Variants in MTFR1 observed in about 807,000 individuals in gnomAD.
The protein encoded by MTFR1 is chondrocyte protein with a poly-proline region.
Under a neutral mutation model 38.8 loss-of-function variants are expected in MTFR1, and 28 were observed. The observed-to-expected ratio is 0.72, with a 90% CI of 0.53 to 0.99. The LOEUF (loss-of-function observed/expected upper bound fraction) is 0.99, where lower values mean the gene tolerates loss of function less well. MTFR1 is among the 50% of genes least tolerant of loss of function. MTFR1 has a pLI of 0.00. For missense variants in MTFR1, 358 were observed against 395.5 expected (o/e 0.91, Z 0.81); for synonymous variants, 145 against 137.0 (o/e 1.06, Z -0.41).
At chr8:65,711,037 T>C (rs913815748), downstream of MTFR1, among the ~76,000 whole-genome samples, 2 of 152,074 alleles carry the variant, frequency 1.3e-5, no homozygotes, top group African/African-American at 4.8e-5. Context: ...AATGGGAAGA[T>C]CTGAGTCAGA....
At chr8:65,774,981 TTAAG>T (rs1383208872), downstream of MTFR1, among the ~76,000 whole-genome samples, 6 of 152,202 alleles carry the variant, frequency 3.9e-5, no homozygotes, top group African/African-American at 1.4e-4. Context: ...AGACCGCACT[TTAAG>T]TACTGCTGGA....
chr8:65,723,757 G>C lies in MTFR1; in HGVS notation c.*48+4276G>C, dbSNP rs977263771. Reference sequence around the variant, plus strand: ...TCATGAGAGGACAGCTTCGCAATTAGTTCTTTTTAAAATTTTAAGTTATTT... The same window carrying C: ...TCATGAGAGGACAGCTTCGCAATTACTTCTTTTTAAAATTTTAAGTTATTT... On this transcript the variant is annotated intron_variant, in intron 3 of 3. Coordinates refer to the MTFR1 transcript ENST00000521247. 11 of 538,284 alleles carry C rather than the reference G, an allele frequency of 2.0e-5. No homozygotes were observed. The African/African-American group carries it at 2.2e-4, about 11-fold the overall frequency. The allele number at this position is 538,284 out of a possible 1,614,324, so 33.3% of individuals were successfully genotyped here.
At chr8:65,741,545 C>G (rs1382968318) in intron 3 of MTFR1, among the ~76,000 whole-genome samples, 1 of 152,214 alleles carries the variant, frequency 6.6e-6, no homozygotes, top group Non-Finnish European at 1.5e-5. Context: ...TTTTTAAAAA[C>G]TACCTGACGT....
intron 2 of MTFR1, among the ~76,000 whole-genome samples, chr8:65,677,133 G>A (rs1804732604): frequency 6.9e-6 from 1 of 145,484 alleles, no homozygotes; most frequent in African/African-American, 2.6e-5. Context: ...GAGTGCAGTG[G>A]CGCGATCTTG....
At chr8:65,737,579 A>ACTCT (rs1318529073) in intron 3 of MTFR1, among the ~76,000 whole-genome samples, 1 of 150,978 alleles carries the variant, frequency 6.6e-6, no homozygotes, top group Non-Finnish European at 1.5e-5. Flanking sequence ...ATCTCGGCTC[A>ACTCT]CTCTCTCTCT....
intron 1 of MTFR1, among the ~76,000 whole-genome samples, chr8:65,658,605 CAT>C (rs1057012501): frequency 2.3e-4 from 35 of 152,290 alleles, no homozygotes; most frequent in African/African-American, 5.1e-4. Context: ...AATACACACA[CAT>C]GTGTGCATGC....
At chr8:65,697,029 G>A (rs1805465045) in intron 4 of MTFR1, among the ~76,000 whole-genome samples, 1 of 139,266 alleles carries the variant, frequency 7.2e-6, no homozygotes, top group African/African-American at 2.7e-5. Flanking sequence ...CTGTCACCCA[G>A]GCTGGAGTGC....
At position 65,655,952 on chromosome 8, in the gene MTFR1, A is replaced by AATATATATATATATG. The variant is rs1309262215; in HGVS notation, c.-81+11168_-81+11169insATATATATATATATG. On this transcript the variant is annotated intron_variant, in intron 1 of 7. Coordinates refer to ENST00000262146, the MANE Select transcript of MTFR1 (RefSeq NM_014637.4). ...GCAAGACTCTGTCTTAAAAAAAAAA[A>AATATATATATATATG]TATATATATATATATACCATATATA... Among the ~76,000 whole-genome samples the AATATATATATATATG allele has an allele frequency of 5.4e-3, 197 of 36,580 alleles. 2 individuals carry two copies. The highest frequency in any genetic ancestry group is 0.01 in the South Asian group (22 of 2,140). 24.0% of individuals were successfully genotyped at this position (36,580 alleles called of 152,430 possible). A position where few individuals can be genotyped will look rare whatever the true frequency, so the allele number is the denominator to read the frequency against.
chr8:65,707,478 A>G (rs1240872389), intron 6 of MTFR1, among the ~76,000 whole-genome samples: 1 of 152,236 alleles, frequency 6.6e-6, no homozygotes, highest in Non-Finnish European at 1.5e-5. Context: ...TTATTTAAAT[A>G]TCAGCCTTTT....
At chr8:65,719,746 G>T in intron 3 of MTFR1, 1 of 469,644 alleles carries the variant, frequency 2.1e-6, no homozygotes, top group South Asian at 2.8e-5. Context: ...ACCTTTTCTG[G>T]TTATCCTTCT....
intron 3 of MTFR1, among the ~76,000 whole-genome samples, chr8:65,688,910 T>G (rs1370435321): frequency 2.0e-5 from 3 of 151,778 alleles, no homozygotes; most frequent in Non-Finnish European, 4.4e-5. Context: ...TTTGGGAGGC[T>G]GAGGCGGGTG....
intron 4 of MTFR1, among the ~76,000 whole-genome samples, chr8:65,699,656 G>A (rs1179794279): frequency 1.3e-5 from 2 of 151,968 alleles, no homozygotes; most frequent in Non-Finnish European, 2.9e-5. Flanking sequence ...AGTAGTTCTT[G>A]GAGCAAAAGT....
chr8:65,748,100 T>TG (rs1274955875), intron 3 of MTFR1, among the ~76,000 whole-genome samples: 7 of 151,948 alleles, frequency 4.6e-5, no homozygotes, highest in Middle Eastern at 3.4e-3. Flanking sequence ...ACGGTTTGTT[T>TG]TTTTTTTTAA....
intron 2 of MTFR1, among the ~76,000 whole-genome samples, chr8:65,670,294 C>T (rs1804532724): frequency 6.6e-6 from 1 of 152,096 alleles, no homozygotes; most frequent in South Asian, 2.1e-4. Flanking sequence ...CTTAAATAAG[C>T]AGAAAAATCA....
At chr8:65,655,969 CCATAT>C (rs1809252244) in intron 1 of MTFR1, among the ~76,000 whole-genome samples, 48 of 56,264 alleles carry the variant, frequency 8.5e-4, no homozygotes, top group Admixed American at 1.5e-3. Flanking sequence ...TATATATATA[CCATAT>C]ATATATATAT....
chr8:65,754,199 T>C (rs1416994554), intron 3 of MTFR1, among the ~76,000 whole-genome samples: 2 of 152,122 alleles, frequency 1.3e-5, no homozygotes, highest in Non-Finnish European at 2.9e-5. Flanking sequence ...CATGTTTTTC[T>C]GCTTGCTTTA....
chr8:65,741,149 C>T (rs1476892963), intron 3 of MTFR1, among the ~76,000 whole-genome samples: 1 of 152,140 alleles, frequency 6.6e-6, no homozygotes, highest in Admixed American at 6.5e-5. Context: ...CCATAGGACA[C>T]ATATACTATA....
At chr8:65,727,531 T>C (rs1806663069) in intron 3 of MTFR1, 2 of 437,126 alleles carry the variant, frequency 4.6e-6, no homozygotes, top group African/African-American at 2.0e-5. Flanking sequence ...ATGTGGAGTT[T>C]ACAGAGTTCA....
At chr8:65,746,869 C>G (rs140344009) in intron 3 of MTFR1, among the ~76,000 whole-genome samples, 324 of 152,082 alleles carry the variant, frequency 2.1e-3, no homozygotes, top group Admixed American at 3.5e-3. Context: ...AAGAAGACAC[C>G]CCAGCTTTAC....
Sources: gnomAD v4.1 joint callset for allele counts (sites outside exome capture counted in the v4.1 genomes callset) on GRCh38, gnomAD v4.1.1 for gene constraint, MANE v1.5 for transcripts, NCBI Gene and HGNC (gene_info 2026-07-23, HGNC 2026-07-21) for gene names.